ZNF385D: variants seen among roughly 807,000 people sequenced by gnomAD.
ZNF385D encodes zinc finger protein 659.
Under a neutral mutation model 35.8 loss-of-function variants are expected in ZNF385D, and 15 were observed. The ratio of observed to expected loss-of-function variants is 0.42; its 90% CI spans 0.28 to 0.64. ZNF385D has a LOEUF of 0.64. ZNF385D is among the 30% of genes least tolerant of loss of function. The pLI, the probability that ZNF385D is intolerant of heterozygous loss-of-function variation, is 0.23. For synonymous variants in ZNF385D, 212 were observed against 186.8 expected, an observed-to-expected ratio of 1.13 and a Z score of -1.10; for missense variants, 474 against 494.6, an observed-to-expected ratio of 0.96 and a Z score of 0.39.
At chr3:22,348,485 T>TAAAAA (rs1168729541) in intron 2 of ZNF385D, among the ~76,000 whole-genome samples, 1,197 of 84,766 alleles carry the variant, frequency 0.014, 59 homozygotes, top group African/African-American at 0.064. Flanking sequence ...CCATCTCTAC[T>TAAAAA]AAAAAAAAAA....
intron 3 of ZNF385D, among the ~76,000 whole-genome samples, chr3:22,134,677 T>C (rs1057207191): frequency 6.6e-6 from 1 of 152,202 alleles, no homozygotes; most frequent in African/African-American, 2.4e-5. Context: ...CTGTATAATT[T>C]ACAATGAACA....
At chr3:21,658,284 C>G (rs1034691081) in intron 2 of ZNF385D, among the ~76,000 whole-genome samples, 2 of 151,974 alleles carry the variant, frequency 1.3e-5, no homozygotes, top group Non-Finnish European at 2.9e-5. Flanking sequence ...ACATCACTGT[C>G]CTTTTATTAA....
At chr3:21,663,104 AACG>A (rs369078284) in intron 2 of ZNF385D, among the ~76,000 whole-genome samples, 45 of 152,194 alleles carry the variant, frequency 3.0e-4, no homozygotes, top group South Asian at 2.9e-3. Context: ...ACCAACACAC[AACG>A]CTGCCTTTGC....
intron 3 of ZNF385D, among the ~76,000 whole-genome samples, chr3:21,770,353 A>C (rs1371221968): frequency 6.6e-6 from 1 of 152,174 alleles, no homozygotes; most frequent in Admixed American, 6.5e-5. Flanking sequence ...ACAAAGGGCT[A>C]ATATCCAGAA....
intron 2 of ZNF385D, among the ~76,000 whole-genome samples, chr3:21,586,370 A>G (rs1185261557): frequency 6.6e-6 from 1 of 152,218 alleles, no homozygotes; most frequent in Non-Finnish European, 1.5e-5. Flanking sequence ...AGGCATGTTC[A>G]GAATCCATAA....
chr3:21,518,885 C>T (rs908102822), intron 3 of ZNF385D, among the ~76,000 whole-genome samples: 8 of 152,038 alleles, frequency 5.3e-5, no homozygotes, highest in Non-Finnish European at 1.2e-4. Flanking sequence ...TAATTACATG[C>T]CCCATATAGA....
intron 4 of ZNF385D, among the ~76,000 whole-genome samples, chr3:21,458,059 C>G (rs140363234): frequency 6.4e-4 from 97 of 151,896 alleles, no homozygotes; most frequent in East Asian, 2.3e-3. Context: ...CATTCAGCAG[C>G]TGAAAAAAAT....
At chr3:21,721,849 C>T (rs549110889) in intron 1 of ZNF385D, among the ~76,000 whole-genome samples, 1 of 152,114 alleles carries the variant, frequency 6.6e-6, no homozygotes, top group Non-Finnish European at 1.5e-5. Flanking sequence ...CCTGTATTCC[C>T]AGCACTTTGG....
chr3:22,169,943 T>G (rs1278361087), intron 2 of ZNF385D, among the ~76,000 whole-genome samples: 1 of 152,196 alleles, frequency 6.6e-6, no homozygotes, highest in Non-Finnish European at 1.5e-5. Flanking sequence ...TACAGGTGTG[T>G]GCCACCAATT....
intron 2 of ZNF385D, among the ~76,000 whole-genome samples, chr3:22,201,524 G>GA (rs1559448531): frequency 2.0e-5 from 3 of 151,914 alleles, no homozygotes; most frequent in African/African-American, 7.2e-5. Flanking sequence ...AATAGATACA[G>GA]AAAAAAAGAA....
intron 3 of ZNF385D, among the ~76,000 whole-genome samples, chr3:21,833,504 G>A (rs1695134840): frequency 6.6e-6 from 1 of 152,250 alleles, no homozygotes; most frequent in South Asian, 2.1e-4. Flanking sequence ...TCTAGAAGAG[G>A]CCAGGAGTGG....
At chr3:21,771,955 G>T (rs879521150) in intron 3 of ZNF385D, among the ~76,000 whole-genome samples, 2 of 151,860 alleles carry the variant, frequency 1.3e-5, no homozygotes, top group Non-Finnish European at 2.9e-5. Flanking sequence ...TTTTGACAAG[G>T]GTGGTAAGAC....
intron 1 of ZNF385D, among the ~76,000 whole-genome samples, chr3:21,702,353 G>C (rs2067721188): frequency 6.6e-6 from 1 of 152,188 alleles, no homozygotes; most frequent in Non-Finnish European, 1.5e-5. Flanking sequence ...GCCATGGCTG[G>C]AGCAGCTGAG....
chr3:22,246,721 A>T (rs1328441479), intron 2 of ZNF385D, among the ~76,000 whole-genome samples: 1 of 152,120 alleles, frequency 6.6e-6, no homozygotes, highest in Non-Finnish European at 1.5e-5. Context: ...TATTCTTATT[A>T]TGAAGGTAGA....
intron 2 of ZNF385D, among the ~76,000 whole-genome samples, chr3:22,201,586 A>C (rs1338881926): frequency 2.6e-5 from 4 of 152,050 alleles, no homozygotes; most frequent in Non-Finnish European, 5.9e-5. Context: ...TAAAGCAAGA[A>C]CATTTTTAAA....
At chr3:21,894,216 A>G (rs571532062) in intron 3 of ZNF385D, among the ~76,000 whole-genome samples, 2 of 152,316 alleles carry the variant, frequency 1.3e-5, no homozygotes, top group South Asian at 2.1e-4. Context: ...TATTACCTCT[A>G]TAATAATTAA....
intron 1 of ZNF385D, among the ~76,000 whole-genome samples, chr3:21,696,265 C>G (rs948674832): frequency 1.3e-5 from 2 of 152,162 alleles, no homozygotes; most frequent in African/African-American, 2.4e-5. Flanking sequence ...AGTGAGAGCC[C>G]TGACACTTAG....
At chr3:21,902,461 G>A (rs889313345) in intron 3 of ZNF385D, among the ~76,000 whole-genome samples, 4 of 152,084 alleles carry the variant, frequency 2.6e-5, no homozygotes, top group Non-Finnish European at 4.4e-5. Context: ...AGGAAATAGC[G>A]GAGTATCTGA....
At chr3:21,902,467 T>A (rs1699459889) in intron 3 of ZNF385D, among the ~76,000 whole-genome samples, 1 of 152,148 alleles carries the variant, frequency 6.6e-6, no homozygotes, top group Non-Finnish European at 1.5e-5. Flanking sequence ...TAGCGGAGTA[T>A]CTGATGGGAA....
Sources: allele counts gnomAD v4.1 joint callset (sites outside exome capture counted in the v4.1 genomes callset), GRCh38; gene constraint gnomAD v4.1.1; transcripts MANE v1.5; gene names NCBI Gene and HGNC (gene_info 2026-07-23, HGNC 2026-07-21).